SGCZ: variants seen among roughly 807,000 people sequenced by gnomAD.
SGCZ encodes sarcoglycan zeta.
Under a neutral mutation model 41.3 loss-of-function variants are expected in SGCZ, and 40 were observed. The observed-to-expected ratio is 0.97, with a 90% CI of 0.75 to 1.26. The LOEUF is 1.26. SGCZ is among the 50% of genes most tolerant of loss of function. The pLI is 0.00. For synonymous variants in SGCZ, 206 were observed against 137.5 expected, an observed-to-expected ratio of 1.50 and a Z score of -3.49; for missense variants, 552 against 369.8, an observed-to-expected ratio of 1.49 and a Z score of -4.04.
chr8:14,994,259 G>A lies in SGCZ; in HGVS notation c.39+243326C>T, dbSNP rs17654985. On this transcript the variant is annotated intron_variant, in intron 1 of 7. Coordinates refer to ENST00000382080, the MANE Select transcript of SGCZ (RefSeq NM_139167.4). The stretch of plus-strand genomic sequence containing the variant: ...TCATATGTATCTCAATTACAGTGGC[G>A]GTTCCACATTTATTTGTGTGATTGC... Among the ~76,000 whole-genome samples, 85 of 152,222 alleles carry A rather than the reference G, an allele frequency of 5.6e-4. No individual in the cohort carries two copies. In the East Asian group the frequency reaches 0.011, roughly 20 times the overall value.
chr8:14,231,160 A>AGGGTGTGTGT (rs141922150), intron 4 of SGCZ, among the ~76,000 whole-genome samples: 3 of 112,036 alleles, frequency 2.7e-5, no homozygotes, highest in Non-Finnish European at 5.4e-5. Flanking sequence ...TCTTTGGGCA[A>AGGGTGTGTGT]GTGTGTGTGT....
intron 4 of SGCZ, among the ~76,000 whole-genome samples, chr8:14,174,197 T>G (rs1296131847): frequency 6.6e-6 from 1 of 152,090 alleles, no homozygotes; most frequent in African/African-American, 2.4e-5. Context: ...AGAACAAAAT[T>G]GAAACACTTT....
intron 1 of SGCZ, among the ~76,000 whole-genome samples, chr8:14,742,960 C>T (rs112012159): frequency 1.4e-4 from 22 of 152,178 alleles, no homozygotes; most frequent in African/African-American, 4.3e-4. Flanking sequence ...TAGGAAACTG[C>T]GTTTGCTACA....
intron 1 of SGCZ, among the ~76,000 whole-genome samples, chr8:15,228,933 C>G (rs1027209458): frequency 6.6e-6 from 1 of 152,300 alleles, no homozygotes; most frequent in Non-Finnish European, 1.5e-5. Context: ...GTGGCTCACA[C>G]CTGTAATCCC....
chr8:14,857,657 A>G (rs1486959387), intron 1 of SGCZ, among the ~76,000 whole-genome samples: 1 of 152,136 alleles, frequency 6.6e-6, no homozygotes, highest in East Asian at 1.9e-4. Context: ...TGAGGTCAGG[A>G]GTTTGAGACC....
Position 14,622,151 on chromosome 8 carries a change from T to C in SGCZ, c.40-67225A>G, listed in dbSNP as rs989633655. Among the ~76,000 whole-genome samples, 15 of 152,194 alleles carry C rather than the reference T, an allele frequency of 9.9e-5. No individual in the cohort carries two copies. The East Asian group carries it at 2.9e-3, about 29-fold the overall frequency. The stretch of plus-strand genomic sequence containing the variant: ...ATGAGAAGAGGTTCATGGGAGAAGC[T>C]AGGAAAGGTAACTTACATTGATTAA... On this transcript the variant is annotated intron_variant, in intron 1 of 7. Coordinates refer to ENST00000382080, the MANE Select transcript of SGCZ (RefSeq NM_139167.4).
chr8:15,176,755 A>C (rs1800011188), intron 1 of SGCZ, among the ~76,000 whole-genome samples: 1 of 152,228 alleles, frequency 6.6e-6, no homozygotes, highest in African/African-American at 2.4e-5. Context: ...TAATCCCAGC[A>C]CTTTGGGAGG....
intron 1 of SGCZ, among the ~76,000 whole-genome samples, chr8:14,576,850 G>C (rs75975931): frequency 0.015 from 2,345 of 152,276 alleles, 52 homozygotes; most frequent in Admixed American, 0.055. Context: ...GTTTATAAGA[G>C]AGAATTGCAG....
At chr8:14,222,435 T>A (rs1231145045) in intron 4 of SGCZ, among the ~76,000 whole-genome samples, 1 of 152,070 alleles carries the variant, frequency 6.6e-6, no homozygotes, top group African/African-American at 2.4e-5. Flanking sequence ...CCCAAAGTGC[T>A]AAGATTACAC....
intron 2 of SGCZ, among the ~76,000 whole-genome samples, chr8:14,371,180 G>A (rs1228833022): frequency 1.3e-5 from 2 of 151,908 alleles, no homozygotes; most frequent in East Asian, 3.9e-4. Flanking sequence ...GGAATTTAAA[G>A]TAAACTCTGC....
In SGCZ at chr8:14,977,976, T is replaced by G. The variant is rs1801536113; in HGVS notation, c.39+259609A>C. Among the ~76,000 whole-genome samples, 2 of 151,988 alleles carry G rather than the reference T, an allele frequency of 1.3e-5. 1 individual carries two copies. Among genetic ancestry groups the G allele is most frequent in the South Asian group, 4.1e-4 (2 of 4,822 alleles). On this transcript the variant is annotated intron_variant, in intron 1 of 7. Coordinates refer to ENST00000382080, the MANE Select transcript of SGCZ (RefSeq NM_139167.4). ...TTTCAAATGCATAAATTTGATTCCA[T>G]TTCTTTATAATTTGGGGATGATGTC...
intron 1 of SGCZ, among the ~76,000 whole-genome samples, chr8:15,093,647 G>A (rs1806230299): frequency 6.6e-6 from 1 of 152,084 alleles, no homozygotes; most frequent in East Asian, 1.9e-4. Context: ...ATCAGGGAAT[G>A]GTAGAACATC....
At chr8:14,500,319 T>C (rs1046190084) in intron 2 of SGCZ, among the ~76,000 whole-genome samples, 2 of 152,070 alleles carry the variant, frequency 1.3e-5, no homozygotes, top group African/African-American at 4.8e-5. Context: ...GGCGCCATTG[T>C]CAGAAAAGCA....
chr8:14,785,231 A>T (rs1030122742), intron 1 of SGCZ, among the ~76,000 whole-genome samples: 1 of 151,780 alleles, frequency 6.6e-6, no homozygotes, highest in African/African-American at 2.4e-5. Flanking sequence ...CTTTGATACA[A>T]TATTTCTACT....
Position 15,003,657 on chromosome 8 carries a change from C to T in SGCZ, c.39+233928G>A, listed in dbSNP as rs867163231. Among the ~76,000 whole-genome samples the T allele has an allele frequency of 1.3e-4, 20 of 152,224 alleles. No individual in the cohort carries two copies. In the South Asian group the frequency reaches 1.5e-3, roughly 11 times the overall value. On this transcript the variant is annotated intron_variant, in intron 1 of 7. Transcript: ENST00000382080. ...AAACATAACATGTTTTTATATGACT[C>T]TTCAGCTTTTGGAAGACTTGGCTGT...
chr8:15,154,687 G>C (rs1356147451), intron 1 of SGCZ, among the ~76,000 whole-genome samples: 2 of 152,210 alleles, frequency 1.3e-5, no homozygotes, highest in African/African-American at 4.8e-5. Context: ...GAAACCATTT[G>C]AAGAGGGCTT....
intron 2 of SGCZ, among the ~76,000 whole-genome samples, chr8:14,504,610 GTTCTT>G (rs1003205529): frequency 6.6e-6 from 1 of 151,804 alleles, no homozygotes; most frequent in African/African-American, 2.4e-5. Context: ...TGTTTTTTCT[GTTCTT>G]TTATCTTTTT....
intron 2 of SGCZ, among the ~76,000 whole-genome samples, chr8:14,327,560 C>T (rs1056350544): frequency 1.3e-5 from 2 of 152,106 alleles, no homozygotes; most frequent in Non-Finnish European, 2.9e-5. Flanking sequence ...AATATTAATA[C>T]TAAAAAATGT....
rs535197297 is a variant in SGCZ at position 14,791,362 on chromosome 8, C to G, written c.40-236436G>C. Among the ~76,000 whole-genome samples, 164 of 152,146 alleles carry G rather than the reference C, an allele frequency of 1.1e-3. 2 individuals are homozygous for G. The highest frequency in any genetic ancestry group is 3.4e-3 in the Middle Eastern group (1 of 294). On this transcript the variant is annotated intron_variant, in intron 1 of 7. Coordinates refer to ENST00000382080, the MANE Select transcript of SGCZ (RefSeq NM_139167.4). ...GCACTAGGAGGCTCCATTCACCTCA[C>G]CATTGTGGGAGTGCGCCTCTAGGAG...
Sources: gnomAD v4.1 joint callset for allele counts (sites outside exome capture counted in the v4.1 genomes callset) on GRCh38, gnomAD v4.1.1 for gene constraint, MANE v1.5 for transcripts, NCBI Gene and HGNC (gene_info 2026-07-23, HGNC 2026-07-21) for gene names.